Variants in FAM83F observed in about 807,000 individuals in gnomAD.
The protein encoded by FAM83F is protein FAM83F.
In FAM83F, 45 loss-of-function variants were observed where a neutral mutation model predicts 42.9. That is an observed-to-expected ratio of 1.05 (90% confidence interval 0.83 to 1.35). The LOEUF (loss-of-function observed/expected upper bound fraction) is 1.35, where lower values mean the gene tolerates loss of function less well. Ranked by LOEUF, FAM83F falls within the 40% of genes most tolerant of loss-of-function variation. FAM83F has a pLI of 0.00. For synonymous variants in FAM83F, 306 were observed against 298.3 expected (o/e 1.03, Z -0.27); for missense variants, 617 against 695.9 (o/e 0.89, Z 1.28).
At chr22:40,014,226 G>A (rs2067482859) in intron 1 of FAM83F, among the ~76,000 whole-genome samples, 1 of 148,288 alleles carries the variant, frequency 6.7e-6, no homozygotes, top group Admixed American at 6.8e-5. Context: ...ACTTGCCTGA[G>A]ACTTAAAGGG....
In FAM83F at chr22:39,995,378, C is replaced by A. The variant is rs1431525078; in HGVS notation, c.336C>A (p.Ser112=). The change falls in exon 1 of 5, where the codon TCC becomes TCA. Residue 112 remains serine, a synonymous_variant. Transcript: ENST00000333407. The surrounding 1 kb of genome is among the most constrained non-coding windows in gnomAD (Gnocchi z 4.6). ...GESLAYWPDR[S]DTEVPPLDLG... ...CCCTGGCCTACTGGCCCGACCGTTC[C>A]GACACCGAGGTGCCTCCTCTGGACC... The A allele has an allele frequency of 6.5e-7, 1 of 1,546,140 alleles. No individual in the cohort carries two copies. Among genetic ancestry groups the A allele is most frequent in the African/African-American group, 1.4e-5 (1 of 73,024 alleles).
At chr22:40,024,151 C>T (rs1268613564) in intron 4 of FAM83F, among the ~76,000 whole-genome samples, 5 of 152,204 alleles carry the variant, frequency 3.3e-5, no homozygotes, top group Non-Finnish European at 7.4e-5. Context: ...AGGTGTGTGC[C>T]ACCATGCCTG....
At chr22:40,008,059 C>T (rs988273851) in intron 1 of FAM83F, among the ~76,000 whole-genome samples, 3 of 152,214 alleles carry the variant, frequency 2.0e-5, no homozygotes, top group Non-Finnish European at 4.4e-5. Context: ...TGTAGACACC[C>T]GGTATGGCTG....
intron 4 of FAM83F, among the ~76,000 whole-genome samples, chr22:40,026,599 G>A (rs1217411632): frequency 6.6e-6 from 1 of 152,204 alleles, no homozygotes; most frequent in Non-Finnish European, 1.5e-5. Flanking sequence ...TTCCCACGGT[G>A]TTGTGGGGGC....
chr22:40,004,731 C>A (rs62230283), intron 1 of FAM83F, among the ~76,000 whole-genome samples: 34,228 of 152,190 alleles, frequency 0.22, 4,526 homozygotes, highest in Non-Finnish European at 0.31. Context: ...AGCCACCGCG[C>A]CTAGCCTATT....
Position 40,039,698 on chromosome 22 carries a change from G to C in FAM83F, c.*10133G>C, listed in dbSNP as rs1304594489. ...GAGAGAAGTGCAGACAGATTCCTTT[G>C]AAGGAGCTTAGAGAAAGAGATGGTA... On this transcript the variant is annotated 3_prime_UTR_variant, in exon 5 of 5. Coordinates refer to ENST00000333407, the MANE Select transcript of FAM83F (RefSeq NM_138435.4). The C allele has an allele frequency of 6.6e-6, 1 of 152,260 alleles. No individual in the cohort carries two copies. Among genetic ancestry groups the C allele is most frequent in the Non-Finnish European group, 1.5e-5 (1 of 68,060 alleles). The allele number at this position is 152,260 out of a possible 1,614,324, so 9.4% of individuals were successfully genotyped here.
chr22:40,018,931 G>C lies in FAM83F; in HGVS notation c.490-237G>C, dbSNP rs572050187. On this transcript the variant is annotated intron_variant, in intron 1 of 4. Coordinates refer to ENST00000333407, the MANE Select transcript of FAM83F (RefSeq NM_138435.4). ...GAGCTGCTGGAAGACCCCCAGGATG[G>C]GGAGGTGGGGATTTGTCCAGGATGA... 2.6e-5 allele frequency among the ~76,000 whole-genome samples: 4 copies of C among 152,300 alleles called. No individual in the cohort carries two copies. The East Asian group carries it at 7.7e-4, about 29-fold the overall frequency.
At chr22:40,012,840 G>A (rs906635024) in intron 1 of FAM83F, among the ~76,000 whole-genome samples, 2 of 151,358 alleles carry the variant, frequency 1.3e-5, no homozygotes, top group African/African-American at 4.9e-5. Flanking sequence ...TTGGGAGGCT[G>A]AGGCAGGCGG....
At chr22:40,011,284 C>T (rs1007566461) in intron 1 of FAM83F, among the ~76,000 whole-genome samples, 9 of 152,094 alleles carry the variant, frequency 5.9e-5, no homozygotes, top group Admixed American at 5.2e-4. Context: ...CTCCACCTCC[C>T]GGGTTCAAGC....
Position 40,041,561 on chromosome 22 carries a change from A to G in FAM83F, c.*11996A>G, listed in dbSNP as rs1347421051. ...GGAATTGAAACCCATCTTCTCCACA[A>G]TAAATATTTGATTGACAGATTGGCT... On this transcript the variant is annotated 3_prime_UTR_variant, in exon 5 of 5. Transcript: ENST00000333407. 6.6e-6 allele frequency: 1 copy of G among 152,128 alleles called. No homozygotes were observed. Among genetic ancestry groups the G allele is most frequent in the Non-Finnish European group, 1.5e-5 (1 of 68,018 alleles). 9.4% of individuals were successfully genotyped at this position (152,128 alleles called of 1,614,324 possible).
chr22:40,014,190 T>A (rs866568321), intron 1 of FAM83F, among the ~76,000 whole-genome samples: 1 of 143,128 alleles, frequency 7.0e-6, no homozygotes, highest in South Asian at 2.2e-4. Flanking sequence ...TATGTTGAAC[T>A]ATAGTAGTGA....
chr22:40,012,490 C>T lies in FAM83F; in HGVS notation c.490-6678C>T, dbSNP rs556066664. 3.7e-4 allele frequency among the ~76,000 whole-genome samples: 56 copies of T among 152,052 alleles called. 1 individual carries two copies. In the South Asian group the frequency reaches 0.011, roughly 31 times the overall value. On this transcript the variant is annotated intron_variant, in intron 1 of 4. Transcript: ENST00000333407. ...TTACTAATGAAGATTGCTTATTTTGCCTGGTGCGGTGGTTCATACCTGAAA... is the reference window on the plus strand; with the variant it reads ...TTACTAATGAAGATTGCTTATTTTGTCTGGTGCGGTGGTTCATACCTGAAA...
In FAM83F at chr22:40,031,586, C is replaced by T. The variant is rs2067588017; in HGVS notation, c.*2021C>T. 6.6e-6 allele frequency: 1 copy of T among 152,290 alleles called. No homozygotes were observed. Among genetic ancestry groups the T allele is most frequent in the African/African-American group, 2.4e-5 (1 of 41,456 alleles). The allele number at this position is 152,290 out of a possible 1,614,324, so 9.4% of individuals were successfully genotyped here. A position where few individuals can be genotyped will look rare whatever the true frequency, so the allele number is the denominator to read the frequency against. On this transcript the variant is annotated 3_prime_UTR_variant, in exon 5 of 5. Transcript: ENST00000333407. Reference sequence around the variant, plus strand: ...TCTCCAAGTCACCACAGCCTTGAGCCAGGCCTTCCTTTCTGCCTCAGTTTC... The same window carrying T: ...TCTCCAAGTCACCACAGCCTTGAGCTAGGCCTTCCTTTCTGCCTCAGTTTC...
At chr22:40,007,674 CTCA>C (rs200604421) in intron 1 of FAM83F, among the ~76,000 whole-genome samples, 2 of 131,504 alleles carry the variant, frequency 1.5e-5, no homozygotes, top group African/African-American at 5.9e-5. Context: ...TCCTCTCCTC[CTCA>C]TTTCCTCTCC....
intron 2 of FAM83F, 49 bp from the exon 3 acceptor site, chr22:40,019,838 C>T (rs377754091): frequency 3.9e-5 from 61 of 1,562,892 alleles, no homozygotes; most frequent in Middle Eastern, 3.5e-4. Context: ...GGACCTGGCA[C>T]GGAGGCTGGC....
intron 1 of FAM83F, among the ~76,000 whole-genome samples, chr22:40,011,168 G>T (rs1349975190): frequency 6.6e-6 from 1 of 152,116 alleles, no homozygotes; most frequent in Non-Finnish European, 1.5e-5. Flanking sequence ...AGTATGCAGT[G>T]TTATGTTATG....
rs1342283923 is a variant in FAM83F, at chr22:40,033,872, ATCTT to A, written c.*4312_*4315del. On this transcript the variant is annotated 3_prime_UTR_variant, in exon 5 of 5. Transcript: ENST00000333407. Reference sequence around the variant, plus strand: ...AGCATCTTTCCTTTCTGTTCTGGTTATCTTTCTTAGTTCTTTACCACCTTATATT... The same window carrying A: ...AGCATCTTTCCTTTCTGTTCTGGTTATCTTAGTTCTTTACCACCTTATATT... The A allele has an allele frequency of 1.3e-5, 2 of 152,156 alleles. No individual in the cohort carries two copies. Among genetic ancestry groups the A allele is most frequent in the African/African-American group, 4.8e-5 (2 of 41,416 alleles). The allele number at this position is 152,156 out of a possible 1,614,324, so 9.4% of individuals were successfully genotyped here. A position where few individuals can be genotyped will look rare whatever the true frequency, so the allele number is the denominator to read the frequency against.
chr22:40,020,357 A>ATTTTT (rs552816341), intron 3 of FAM83F, among the ~76,000 whole-genome samples: 2 of 116,392 alleles, frequency 1.7e-5, no homozygotes, highest in African/African-American at 3.3e-5. Context: ...TGTCGCCAGA[A>ATTTTT]TTTTTTTTTT....
At chr22:39,998,521 G>C (rs547542503) in intron 1 of FAM83F, among the ~76,000 whole-genome samples, 24 of 151,988 alleles carry the variant, frequency 1.6e-4, no homozygotes, top group South Asian at 1.0e-3. Flanking sequence ...GGGGGGTGAG[G>C]GGGGAGGGGC....
Sources: allele counts gnomAD v4.1 joint callset (sites outside exome capture counted in the v4.1 genomes callset), GRCh38; gene constraint gnomAD v4.1.1; non-coding constraint Gnocchi (gnomAD v3.1); transcripts MANE v1.5; gene names NCBI Gene and HGNC (gene_info 2026-07-23, HGNC 2026-07-21).